The following TBC1D8B variants were observed in gnomAD, a reference collection of about 807,000 sequenced individuals.
TBC1D8B encodes RP11-321G1.1.
A neutral mutation model predicts 82.9 loss-of-function variants in TBC1D8B; 75 were observed. The observed-to-expected ratio is 0.90, with a 90% CI of 0.75 to 1.10. The LOEUF (loss-of-function observed/expected upper bound fraction) is 1.10. TBC1D8B is among the 50% of genes least tolerant of loss of function. The probability of loss-of-function intolerance (pLI) is 0.00; values close to 1 mark genes in which losing one functional copy is unlikely to be tolerated. For missense variants in TBC1D8B, 794 were observed against 796.9 expected (o/e 1.00, Z 0.04); for synonymous variants, 276 against 276.8 (o/e 1.00, Z 0.03).
intron 1 of TBC1D8B, among the ~76,000 whole-genome samples, chrX:106,816,940 G>A (rs189929103): frequency 8.2e-4 from 91 of 111,400 alleles, no homozygotes; most frequent in Non-Finnish European, 1.3e-3. Context: ...GTGAGCATCT[G>A]CCAATCTATC....
intron 1 of TBC1D8B, among the ~76,000 whole-genome samples, chrX:106,816,373 A>G (rs933987030): frequency 9.0e-6 from 1 of 111,674 alleles, no homozygotes; most frequent in East Asian, 2.8e-4. Flanking sequence ...CTATCTGCAT[A>G]TTTTGGCTCC....
chrX:106,830,470 A>G (rs1329733799), intron 7 of TBC1D8B, among the ~76,000 whole-genome samples: 1 of 111,246 alleles, frequency 9.0e-6, no homozygotes, highest in Non-Finnish European at 1.9e-5. Context: ...ACTATAAATC[A>G]TGCTGCTATA....
At position 106,823,371 on chromosome X, in the gene TBC1D8B, G is replaced by A; in HGVS notation, c.732G>A (p.Met244Ile). 8.3e-7 allele frequency: 1 copy of A among 1,210,163 alleles called. No homozygotes were observed. Among genetic ancestry groups the A allele is most frequent in the Non-Finnish European group, 1.1e-6 (1 of 894,645 alleles). ...ACATTAACCAAACATACCTTCTTATGGAACAGCTGGCAAACTATGCCATTA... is the reference window on the plus strand; with the variant it reads ...ACATTAACCAAACATACCTTCTTATAGAACAGCTGGCAAACTATGCCATTA... Reference protein sequence around the residue: ...FLHINQTYLLMEQLANYAIRR... With the variant: ...FLHINQTYLLIEQLANYAIRR... Residue 244 changes from methionine to isoleucine, a missense_variant, in exon 5 of 21, where the codon ATG (methionine) becomes ATA (isoleucine). Met to Ile is a conservative substitution (Grantham distance 10). Coordinates refer to ENST00000357242, the MANE Select transcript of TBC1D8B (RefSeq NM_017752.3).
chrX:106,872,464 TATATA>T (rs1932856155), intron 20 of TBC1D8B, among the ~76,000 whole-genome samples: 1 of 93,380 alleles, frequency 1.1e-5, no homozygotes, highest in Non-Finnish European at 2.1e-5. Flanking sequence ...TTTATATATA[TATATA>T]TATATATATA....
In TBC1D8B at chrX:106,849,821, C is replaced by G. The variant is rs1932549814; in HGVS notation, c.1838-204C>G. On this transcript the variant is annotated intron_variant, in intron 11 of 20. Coordinates refer to ENST00000357242, the MANE Select transcript of TBC1D8B (RefSeq NM_017752.3). The stretch of plus-strand genomic sequence containing the variant: ...CATATAATAAAGACTCAATAAATAA[C>G]TCTTCAAATGAATTTGAATTGTGTT... 7 of 1,001,688 alleles carry G rather than the reference C, an allele frequency of 7.0e-6. No homozygotes were observed. In the South Asian group the frequency reaches 2.2e-4, roughly 31 times the overall value. The allele number at this position is 1,001,688 out of a possible 1,213,427, so 82.6% of individuals were successfully genotyped here.
intron 14 of TBC1D8B, among the ~76,000 whole-genome samples, chrX:106,857,602 T>C (rs1246086882): frequency 8.9e-6 from 1 of 111,959 alleles, no homozygotes; most frequent in Admixed American, 9.5e-5. Flanking sequence ...TTTCTATTGT[T>C]TCCCTCTTTG....
Position 106,850,175 on chromosome X carries a change from C to T in TBC1D8B, c.1988C>T (p.Ala663Val). 8.3e-7 allele frequency: 1 copy of T among 1,211,224 alleles called. No individual in the cohort carries two copies. ...LFISVLPIES[A>V]VNVVDCFFYD... ...ATTAGTGTGCTACCTATTGAAAGTG[C>T]AGTGAATGTGGTGGACTGTTTCTTC... The change falls in exon 12 of 21, where the codon GCA becomes GTA. Residue 663 changes from alanine (A) to valine (V), a missense_variant. Transcript: ENST00000357242.
intron 1 of TBC1D8B, among the ~76,000 whole-genome samples, chrX:106,804,836 C>A (rs1160129703): frequency 9.1e-6 from 1 of 109,580 alleles, no homozygotes; most frequent in Non-Finnish European, 1.9e-5. Context: ...CTACAGTGAG[C>A]CGTAATAGGG....
At chrX:106,858,414 AG>A (rs1932738601) in intron 14 of TBC1D8B, among the ~76,000 whole-genome samples, 1 of 111,860 alleles carries the variant, frequency 8.9e-6, no homozygotes, top group African/African-American at 3.2e-5. Context: ...CTGGAACTAC[AG>A]GCATCCGCCA....
intron 5 of TBC1D8B, among the ~76,000 whole-genome samples, 175 bp from the exon 6 acceptor site, chrX:106,825,855 T>C (rs1265582083): frequency 8.9e-6 from 1 of 111,853 alleles, no homozygotes. Context: ...CAAAAGGAGT[T>C]TGCAAGGAAT....
intron 14 of TBC1D8B, among the ~76,000 whole-genome samples, chrX:106,861,959 G>C (rs995575219): frequency 5.4e-5 from 6 of 111,828 alleles, no homozygotes; most frequent in African/African-American, 2.0e-4. Context: ...CTTAGCACTT[G>C]CTTGTCTGAG....
At chrX:106,860,384 TG>T (rs1378628177) in intron 14 of TBC1D8B, among the ~76,000 whole-genome samples, 1 of 106,172 alleles carries the variant, frequency 9.4e-6, no homozygotes, top group Non-Finnish European at 1.9e-5. Context: ...TGTGTGTGTG[TG>T]TTTCTGATTC....
At position 106,840,745 on chromosome X, in the gene TBC1D8B, T is replaced by G. The variant is rs1193522106; in HGVS notation, c.1580T>G (p.Leu527Trp). 8.3e-7 allele frequency: 1 copy of G among 1,209,571 alleles called. No homozygotes were observed. Among genetic ancestry groups the G allele is most frequent in the African/African-American group, 1.8e-5 (1 of 57,135 alleles). The stretch of plus-strand genomic sequence containing the variant: ...GAGCAGTCCTTAGGGACCTGCAACT[T>G]GGCTACTGAAGAAATTGAACGTGAT... The part of the protein sequence containing the change: ...VVEQSLGTCN[L>W]ATEEIERDLR... Residue 527 changes from leucine to tryptophan, a missense_variant, in exon 10 of 21, where the codon TTG (leucine) becomes TGG (tryptophan). Transcript: ENST00000357242.
chrX:106,873,776 A>T lies in TBC1D8B; in HGVS notation c.3174A>T (p.Thr1058=), dbSNP rs1411436014. 8.3e-7 allele frequency: 1 copy of T among 1,211,895 alleles called. No homozygotes were observed. The highest frequency in any genetic ancestry group is 2.2e-5 in the Admixed American group (1 of 46,067). The change falls in exon 21 of 21, where the codon ACA becomes ACT. Residue 1058 remains threonine (T), a synonymous_variant. Coordinates refer to ENST00000357242, the MANE Select transcript of TBC1D8B (RefSeq NM_017752.3). ...CTGGAGGACCCAGTGAGGAAAAAACAGGGAGCCACTTGGAGAAAGATCCTT... is the reference window on the plus strand; with the variant it reads ...CTGGAGGACCCAGTGAGGAAAAAACTGGGAGCCACTTGGAGAAAGATCCTT... ...CGSGGPSEEK[T]GSHLEKDPCS...
At chrX:106,866,932 T>C (rs764841318) in intron 17 of TBC1D8B, 70 bp downstream of exon 17, 2 of 806,013 alleles carry the variant, frequency 2.5e-6, no homozygotes, top group Non-Finnish European at 3.5e-6. Context: ...TAATTACAGA[T>C]TTTTTTAACA....
rs370269280 is a variant in TBC1D8B at position 106,826,095 on chromosome X, G to A, written c.893G>A (p.Ser298Asn). ...TTTTTTAGGCTGCCCAAAGGAGAGA[G>A]TTTGAAAGAAGTACATGAATGTTTC... ...NAFFRLPKGE[S>N]LKEVHECFLW... The change falls in exon 6 of 21, where the codon AGT becomes AAT. Residue 298 changes from serine to asparagine, a missense_variant. By Grantham distance (46) the Ser-to-Asn change is conservative. Transcript: ENST00000357242. 8.3e-7 allele frequency: 1 copy of A among 1,210,829 alleles called. No homozygotes were observed. The highest frequency in any genetic ancestry group is 1.1e-6 in the Non-Finnish European group (1 of 895,029).
At position 106,802,678 on chromosome X, in the gene TBC1D8B, T is replaced by C; in HGVS notation, c.-176T>C. 1 of 596,102 alleles carries C rather than the reference T, an allele frequency of 1.7e-6. No individual in the cohort carries two copies. 49.1% of individuals were successfully genotyped at this position (596,102 alleles called of 1,213,427 possible). ...TAGCGCTGTGGGAGGGAATTGGCAATCTCTCTGCCTACGTGGGAGAGAAGG... is the reference window on the plus strand; with the variant it reads ...TAGCGCTGTGGGAGGGAATTGGCAACCTCTCTGCCTACGTGGGAGAGAAGG... On this transcript the variant is annotated 5_prime_UTR_variant, in exon 1 of 21. Coordinates refer to ENST00000357242, the MANE Select transcript of TBC1D8B (RefSeq NM_017752.3).
intron 1 of TBC1D8B, among the ~76,000 whole-genome samples, chrX:106,809,564 G>A (rs1316293494): frequency 9.0e-6 from 1 of 110,902 alleles, no homozygotes; most frequent in East Asian, 2.8e-4. Context: ...TGTCCTGGGT[G>A]TTGAGTATAC....
At chrX:106,813,380 C>A (rs1931435926) in intron 1 of TBC1D8B, among the ~76,000 whole-genome samples, 1 of 111,539 alleles carries the variant, frequency 9.0e-6, no homozygotes, top group Non-Finnish European at 1.9e-5. Flanking sequence ...CACTAGTTTC[C>A]AAATTATTTC....
Sources: allele counts gnomAD v4.1 joint callset (sites outside exome capture counted in the v4.1 genomes callset), GRCh38; gene constraint gnomAD v4.1.1; transcripts MANE v1.5; gene names NCBI Gene and HGNC (gene_info 2026-07-23, HGNC 2026-07-21).